The following TECTB variants were observed in gnomAD, a reference collection of about 807,000 sequenced individuals.
The protein encoded by TECTB is tectorin beta.
In TECTB, 45 loss-of-function variants were observed where a neutral mutation model predicts 43.3. That is an observed-to-expected ratio of 1.04 (90% CI 0.82 to 1.33). The LOEUF (loss-of-function observed/expected upper bound fraction) is 1.33, where lower values mean the gene tolerates loss of function less well. Among genes scored for constraint, TECTB ranks in the 40% most tolerant of loss-of-function variants. The pLI, the probability that TECTB is intolerant of heterozygous loss-of-function variation, is 0.00. For missense variants in TECTB, 399 were observed against 404.7 expected (o/e 0.99, Z 0.12); for synonymous variants, 169 against 156.7 (o/e 1.08, Z -0.59).
At position 112,304,514 on chromosome 10, in the gene TECTB, A is replaced by G. The variant is rs1589644765; in HGVS notation, c.*1202A>G. 6.6e-6 allele frequency: 1 copy of G among 152,234 alleles called. No homozygotes were observed. Among genetic ancestry groups the G allele is most frequent in the Non-Finnish European group, 1.5e-5 (1 of 68,040 alleles). 9.4% of individuals were successfully genotyped at this position (152,234 alleles called of 1,614,324 possible). On this transcript the variant is annotated 3_prime_UTR_variant, in exon 11 of 11. Coordinates refer to ENST00000646139, the MANE Select transcript of TECTB (RefSeq NM_058222.3). ...CCAATTCTGGTAGAGAATTGGCTGG[A>G]TTGTGATAGGAAAAGGCAGAGTTCT...
At chr10:112,290,636 C>T (rs1054511129) in intron 5 of TECTB, among the ~76,000 whole-genome samples, 2 of 152,082 alleles carry the variant, frequency 1.3e-5, no homozygotes, top group African/African-American at 2.4e-5. Context: ...CATCGGGGTC[C>T]CCAGGTAAGT....
At chr10:112,300,230 TAAA>T (rs1848588174) in intron 9 of TECTB, among the ~76,000 whole-genome samples, 2 of 55,040 alleles carry the variant, frequency 3.6e-5, no homozygotes, top group South Asian at 8.3e-4. Context: ...CAGAAAGAAA[TAAA>T]GAAAGAAAGA....
chr10:112,303,482 T>A lies in TECTB; in HGVS notation c.*170T>A. ...TAATTTCTGTGAATTTGGTGATGCCTTTTTCTTTCTAAGAAAAACTTAGGC... is the reference window on the plus strand; with the variant it reads ...TAATTTCTGTGAATTTGGTGATGCCATTTTCTTTCTAAGAAAAACTTAGGC... On this transcript the variant is annotated 3_prime_UTR_variant, in exon 11 of 11. Transcript: ENST00000646139. 2 of 766,338 alleles carry A rather than the reference T, an allele frequency of 2.6e-6. No individual in the cohort carries two copies. The highest frequency in any genetic ancestry group is 4.2e-6 in the Non-Finnish European group (2 of 475,970). 47.5% of individuals were successfully genotyped at this position (766,338 alleles called of 1,614,324 possible).
chr10:112,296,247 C>A (rs962045426), intron 7 of TECTB, among the ~76,000 whole-genome samples: 1 of 152,150 alleles, frequency 6.6e-6, no homozygotes, highest in Non-Finnish European at 1.5e-5. Flanking sequence ...CACATGGATG[C>A]CCCAAAAGCA....
chr10:112,301,369 TACAC>T (rs1167347535), intron 9 of TECTB, among the ~76,000 whole-genome samples: 1 of 147,998 alleles, frequency 6.8e-6, no homozygotes, highest in Non-Finnish European at 1.5e-5. Flanking sequence ...ATCACGCTAC[TACAC>T]TCTAGCCTGG....
At chr10:112,301,956 C>A in intron 9 of TECTB, 145 bp from the exon 10 acceptor site, 2 of 848,526 alleles carry the variant, frequency 2.4e-6, no homozygotes, top group Non-Finnish European at 3.6e-6. Flanking sequence ...AGTGACCCGC[C>A]CACCTGGGCC....
intron 5 of TECTB, among the ~76,000 whole-genome samples, chr10:112,289,974 C>A (rs547882477): frequency 2.0e-5 from 3 of 152,264 alleles, no homozygotes; most frequent in African/African-American, 7.2e-5. Context: ...GTGACTCAAC[C>A]GTTCACAACT....
At chr10:112,296,682 A>G (rs1001632577) in intron 7 of TECTB, among the ~76,000 whole-genome samples, 1 of 152,148 alleles carries the variant, frequency 6.6e-6, no homozygotes, top group Non-Finnish European at 1.5e-5. Context: ...ACAAAGGTAC[A>G]GCATTCCCTC....
intron 9 of TECTB, among the ~76,000 whole-genome samples, chr10:112,300,279 A>AAAGAAAGG (rs1361291056): frequency 8.3e-5 from 4 of 48,360 alleles, no homozygotes; most frequent in Non-Finnish European, 1.6e-4. Flanking sequence ...AGAAAGAAAG[A>AAAGAAAGG]AAAGAAAGAA....
chr10:112,303,386 C>A lies in TECTB; in HGVS notation c.*74C>A. The A allele has an allele frequency of 6.4e-7, 1 of 1,572,774 alleles. No individual in the cohort carries two copies. Among genetic ancestry groups the A allele is most frequent in the Non-Finnish European group, 8.7e-7 (1 of 1,143,134 alleles). On this transcript the variant is annotated 3_prime_UTR_variant, in exon 11 of 11. Coordinates refer to ENST00000646139, the MANE Select transcript of TECTB (RefSeq NM_058222.3). ...AATGACAAACACATTTATTGTGCTG[C>A]CAAAAAGAACAAACAGAAGACCACA...
intron 9 of TECTB, among the ~76,000 whole-genome samples, chr10:112,300,287 GA>G (rs1260805818): frequency 1.4e-5 from 1 of 69,350 alleles, no homozygotes; most frequent in Non-Finnish European, 2.8e-5. Flanking sequence ...AGAAAAGAAA[GA>G]AAGAAAGAAA....
rs1848638850 is a variant in TECTB at position 112,304,749 on chromosome 10, G to C, written c.*1437G>C. The C allele has an allele frequency of 7.1e-6, 1 of 140,766 alleles. No homozygotes were observed. The highest frequency in any genetic ancestry group is 3.3e-5 in the African/African-American group (1 of 30,590). The allele number at this position is 140,766 out of a possible 1,614,324, so 8.7% of individuals were successfully genotyped here. ...TATGTTTGTTTAGTAATAGGCTAAA[G>C]TAAAATGACTCAATTTGGTCTAGAC... On this transcript the variant is annotated 3_prime_UTR_variant, in exon 11 of 11. Transcript: ENST00000646139.
At chr10:112,300,337 GA>G (rs1848598618) in intron 9 of TECTB, among the ~76,000 whole-genome samples, 5 of 139,718 alleles carry the variant, frequency 3.6e-5, no homozygotes, top group East Asian at 2.4e-4. Context: ...AAAAAGAAAA[GA>G]AAAGAAAGAA....
chr10:112,298,186 CT>C lies in TECTB; in HGVS notation c.790del (p.Cys264ValfsTer15). 1 of 1,614,218 alleles carries C rather than the reference CT, an allele frequency of 6.2e-7. No individual in the cohort carries two copies. Among genetic ancestry groups the C allele is most frequent in the Middle Eastern group, 1.6e-4 (1 of 6,062 alleles). On this transcript the variant is annotated frameshift_variant, in exon 8 of 11. Coordinates refer to ENST00000646139, the MANE Select transcript of TECTB (RefSeq NM_058222.3). LOFTEE classifies it high-confidence loss of function. ...CCAAACTCTCCAAGGTGTGGTTACA[CT>C]GTGAGACGTTCATCTGCGACAGTGA... ...IPKLSKVWLHCETFICDSEKL... is the reference protein window; with the variant it reads ...IPKLSKVWLHXETFICDSEKL...
intron 7 of TECTB, among the ~76,000 whole-genome samples, chr10:112,295,654 C>A (rs1848539151): frequency 6.6e-6 from 1 of 152,232 alleles, no homozygotes; most frequent in African/African-American, 2.4e-5. Context: ...AGCAATGGTG[C>A]AATCAAATGA....
intron 10 of TECTB, 121 bp downstream of exon 10, chr10:112,302,254 A>G: frequency 8.0e-7 from 1 of 1,244,868 alleles, no homozygotes; most frequent in South Asian, 1.3e-5. Flanking sequence ...ATTATACTTT[A>G]AAGCACACCT....
chr10:112,283,909 T>A, intron 2 of TECTB, 99 bp downstream of exon 2: 1 of 1,298,060 alleles, frequency 7.7e-7, no homozygotes, highest in Non-Finnish European at 1.1e-6. Flanking sequence ...TATAAAAATG[T>A]AATGATGTAG....
At position 112,298,081 on chromosome 10, in the gene TECTB, T is replaced by A. The variant is rs754283862; in HGVS notation, c.684T>A (p.Asp228Glu). 6 of 1,614,078 alleles carry A rather than the reference T, an allele frequency of 3.7e-6. No individual in the cohort carries two copies. In the Admixed American group the frequency reaches 1.0e-4, roughly 27 times the overall value. ...WQLINKGCPT[D>E]ETVLVHENGR... ...CCATCTGCCTCAGCTGCCCCACGGA[T>A]GAAACCGTCCTCGTGCATGAGAATG... The change falls in exon 8 of 11, where the codon GAT (aspartate) becomes GAA (glutamate). Residue 228 changes from aspartate to glutamate, a missense_variant. Transcript: ENST00000646139.
intron 5 of TECTB, among the ~76,000 whole-genome samples, chr10:112,288,921 A>G (rs1479264106): frequency 6.6e-6 from 1 of 152,190 alleles, no homozygotes; most frequent in African/African-American, 2.4e-5. Flanking sequence ...GCTTACGGAA[A>G]TACCCTAGTG....
Sources: allele counts gnomAD v4.1 joint callset (sites outside exome capture counted in the v4.1 genomes callset), GRCh38; gene constraint gnomAD v4.1.1; transcripts MANE v1.5; gene names NCBI Gene and HGNC (gene_info 2026-07-23, HGNC 2026-07-21).